Variants in RIMS2 observed in about 807,000 individuals in gnomAD.
RIMS2 encodes regulating synaptic membrane exocytosis protein 2.
RIMS2 carries 59 observed loss-of-function variants against 174.4 expected under a neutral mutation model. The observed-to-expected ratio is 0.34, with a 90% CI of 0.27 to 0.42. The LOEUF (loss-of-function observed/expected upper bound fraction) is 0.42, where lower values mean the gene tolerates loss of function less well. Among genes scored for constraint, RIMS2 ranks in the 10% least tolerant of loss-of-function variants. The pLI is 1.00. For synonymous variants in RIMS2, 606 were observed against 572.5 expected, an observed-to-expected ratio of 1.06 and a Z score of -0.84; for missense variants, 1,620 against 1,666.3, an observed-to-expected ratio of 0.97 and a Z score of 0.48.
At chr8:103,973,948 T>C (rs1386339892) in intron 15 of RIMS2, among the ~76,000 whole-genome samples, 1 of 152,170 alleles carries the variant, frequency 6.6e-6, no homozygotes, top group Non-Finnish European at 1.5e-5. Flanking sequence ...ACCTCATCCA[T>C]GAGGTTAAAC....
At position 103,766,311 on chromosome 8, in the gene RIMS2, A is replaced by G. The variant is rs776169751; in HGVS notation, c.472A>G (p.Thr158Ala). The G allele has an allele frequency of 1.9e-6, 3 of 1,613,344 alleles. No homozygotes were observed. The highest frequency in any genetic ancestry group is 2.5e-6 in the Non-Finnish European group (3 of 1,179,284). Residue 158 changes from threonine (T) to alanine (A), a missense_variant, in exon 3 of 24, where the codon ACA becomes GCA. This residue lies in a region of RIMS2 where 1,395 missense variants were observed against 1,360.1 expected (regional missense o/e 1.03). Coordinates refer to ENST00000504942, the Ensembl canonical transcript of RIMS2. ...ATGGTTTTATAATAGTGGATCTAAT[A>G]CACCACAGCAACCTGATCAAAAGGT...
chr8:103,961,310 G>T (rs2089998372), intron 15 of RIMS2, among the ~76,000 whole-genome samples, 177 bp downstream of exon 17: 1 of 152,060 alleles, frequency 6.6e-6, no homozygotes, highest in Admixed American at 6.6e-5. Context: ...TGGAACACCT[G>T]TACCAATTAG....
chr8:103,981,149 A>T (rs2093871415), intron 16 of RIMS2, among the ~76,000 whole-genome samples: 1 of 152,188 alleles, frequency 6.6e-6, no homozygotes, highest in South Asian at 2.1e-4. Flanking sequence ...TTCTGGCTTC[A>T]GGTCTGACCC....
intron 19 of RIMS2, among the ~76,000 whole-genome samples, chr8:104,206,609 A>T (rs1486815132): frequency 1.3e-5 from 2 of 152,176 alleles, no homozygotes; most frequent in Non-Finnish European, 2.9e-5. Flanking sequence ...ACAACAACCT[A>T]TTGGGTTATT....
chr8:104,254,198 G>A (rs1013046244), downstream of RIMS2: 14 of 73,438 alleles, frequency 1.9e-4, no homozygotes, highest in African/African-American at 1.6e-3. Context: ...TTATTTAAAA[G>A]TTGGTGTTTT....
At chr8:103,961,231 G>A (rs1343115231) in intron 15 of RIMS2, 98 bp downstream of exon 17, 29 of 701,512 alleles carry the variant, frequency 4.1e-5, no homozygotes, top group South Asian at 1.2e-4. Flanking sequence ...GATATAACTC[G>A]TCTTCTCACC....
At chr8:103,632,073 G>C (rs1428142454) in intron 1 of RIMS2, among the ~76,000 whole-genome samples, 1 of 152,148 alleles carries the variant, frequency 6.6e-6, no homozygotes, top group East Asian at 1.9e-4. Flanking sequence ...TTGGCAAATG[G>C]AGATAGTTTG....
At chr8:104,250,526 A>T (rs2099355753) in intron 22 of RIMS2, among the ~76,000 whole-genome samples, 1 of 152,214 alleles carries the variant, frequency 6.6e-6, no homozygotes, top group African/African-American at 2.4e-5. Flanking sequence ...ATAAATTTTA[A>T]GCCATAGATT....
At chr8:104,197,830 G>T (rs1256186612) in intron 19 of RIMS2, among the ~76,000 whole-genome samples, 1 of 152,008 alleles carries the variant, frequency 6.6e-6, no homozygotes, top group Non-Finnish European at 1.5e-5. Context: ...TTCTAAGTCT[G>T]ATTTCTATTT....
At chr8:104,222,974 T>C (rs1220541652) in intron 19 of RIMS2, among the ~76,000 whole-genome samples, 2 of 152,144 alleles carry the variant, frequency 1.3e-5, no homozygotes, top group Non-Finnish European at 2.9e-5. Flanking sequence ...TTGGTAAAAA[T>C]TGAGGAGCCT....
At chr8:103,981,434 A>G (rs1275192376) in intron 16 of RIMS2, among the ~76,000 whole-genome samples, 1 of 152,160 alleles carries the variant, frequency 6.6e-6, no homozygotes, top group Non-Finnish European at 1.5e-5. Context: ...GATGGGCACA[A>G]CAAGCCAAGA....
At chr8:104,136,778 G>A (rs967184921) in intron 19 of RIMS2, among the ~76,000 whole-genome samples, 4 of 152,032 alleles carry the variant, frequency 2.6e-5, no homozygotes, top group Non-Finnish European at 1.5e-5. Flanking sequence ...AGGGGAACAA[G>A]ACACACTGGA....
intron 1 of RIMS2, among the ~76,000 whole-genome samples, chr8:103,655,765 A>G (rs1393130153): frequency 6.6e-6 from 1 of 152,102 alleles, no homozygotes; most frequent in African/African-American, 2.4e-5. Context: ...AGATGGGTGT[A>G]GTATAGTAGA....
At chr8:103,673,394 C>T (rs1044855979) in intron 1 of RIMS2, among the ~76,000 whole-genome samples, 1 of 152,184 alleles carries the variant, frequency 6.6e-6, no homozygotes, top group African/African-American at 2.4e-5. Flanking sequence ...TGTGAGGGCT[C>T]CACTCTTAGG....
intron 19 of RIMS2, among the ~76,000 whole-genome samples, chr8:104,135,052 T>G (rs955418773): frequency 6.6e-6 from 1 of 152,162 alleles, no homozygotes; most frequent in Non-Finnish European, 1.5e-5. Flanking sequence ...ATAATATGAA[T>G]TTTCCATTAA....
chr8:104,057,288 A>T (rs1004291922), intron 19 of RIMS2, among the ~76,000 whole-genome samples: 3 of 151,932 alleles, frequency 2.0e-5, no homozygotes, highest in African/African-American at 7.2e-5. Context: ...GGCTATTTGC[A>T]AACTCCTGGG....
chr8:103,731,315 TGCTGCCAGACATATTGGA>T (rs2097591267), intron 2 of RIMS2, among the ~76,000 whole-genome samples: 1 of 152,214 alleles, frequency 6.6e-6, no homozygotes, highest in Admixed American at 6.5e-5. Context: ...CTGAGAAGTC[TGCTGCCAGACATATTGGA>T]GCTGCATTCT....
At position 104,248,820 on chromosome 8, in the gene RIMS2, A is replaced by G; in HGVS notation, c.3589+7A>G. ...CTGGCAACACCTGCAATGGGTAAGA[A>G]TTTCTGCCACATGATTTCACTATTT... On this transcript the variant is annotated splice_region_variant and intron_variant, in intron 21 of 23. Transcript: ENST00000504942. The G allele has an allele frequency of 1.4e-6, 2 of 1,381,354 alleles. No homozygotes were observed. Among genetic ancestry groups the G allele is most frequent in the Non-Finnish European group, 2.1e-6 (2 of 968,526 alleles). 85.6% of individuals were successfully genotyped at this position (1,381,354 alleles called of 1,614,324 possible). A position where few individuals can be genotyped will look rare whatever the true frequency, so the allele number is the denominator to read the frequency against.
chr8:103,610,719 G>T (rs942479195), intron 1 of RIMS2, among the ~76,000 whole-genome samples: 1 of 152,168 alleles, frequency 6.6e-6, no homozygotes, highest in African/African-American at 2.4e-5. Flanking sequence ...TGTGCTGCTG[G>T]ATTTGATTTG....
Sources: gnomAD v4.1 joint callset for allele counts (sites outside exome capture counted in the v4.1 genomes callset) on GRCh38, gnomAD v4.1.1 for gene constraint, gnomAD v4.1.1 regional missense constraint, MANE v1.5 for transcripts, NCBI Gene and HGNC (gene_info 2026-07-23, HGNC 2026-07-21) for gene names.